Variants in ONECUT2 observed in about 807,000 individuals in gnomAD.
The protein encoded by ONECUT2 is one cut domain family member 2.
In ONECUT2, 10 loss-of-function variants were observed where a neutral mutation model predicts 27.9. The observed-to-expected ratio is 0.36, with a 90% CI of 0.22 to 0.61. ONECUT2 has a LOEUF of 0.61. Ranked by LOEUF, ONECUT2 falls within the 20% of genes least tolerant of loss-of-function variation. ONECUT2 has a pLI of 0.73. For synonymous variants in ONECUT2, 334 were observed against 315.1 expected, an observed-to-expected ratio of 1.06 and a Z score of -0.64; for missense variants, 686 against 721.0, an observed-to-expected ratio of 0.95 and a Z score of 0.56.
intron 1 of ONECUT2, among the ~76,000 whole-genome samples, chr18:57,466,178 T>C (rs1271801366): frequency 6.6e-6 from 1 of 152,212 alleles, no homozygotes; most frequent in Non-Finnish European, 1.5e-5. Flanking sequence ...GGGAGTACTC[T>C]GGCTCTTTCA....
At position 57,436,094 on chromosome 18, in the gene ONECUT2, G is replaced by T. The variant is rs757312634; in HGVS notation, c.378G>T (p.Pro126=). The change falls in exon 1 of 2, where the codon CCG becomes CCT. Residue 126 remains proline (P), a synonymous_variant. Coordinates refer to ENST00000491143, the MANE Select transcript of ONECUT2 (RefSeq NM_004852.3). The surrounding 1 kb of genome is among the most constrained non-coding windows in gnomAD (Gnocchi z 5.9). The part of the protein sequence containing the change: ...GGDYRPELSI[P]LHHAMSMSCD... ...ACTACCGGCCCGAGCTCTCCATCCC[G>T]CTGCACCACGCCATGAGCATGTCCT... 1.7e-5 allele frequency: 27 copies of T among 1,599,612 alleles called. No individual in the cohort carries two copies. Among genetic ancestry groups the T allele is most frequent in the Non-Finnish European group, 2.3e-5 (27 of 1,179,682 alleles).
intron 1 of ONECUT2, among the ~76,000 whole-genome samples, chr18:57,442,332 G>C (rs2050180305): frequency 1.3e-5 from 2 of 150,530 alleles, no homozygotes; most frequent in Admixed American, 1.3e-4. Context: ...GGGAGGGAAA[G>C]CAGTGTTTTC....
rs1408171825 is a variant in ONECUT2 at position 57,488,996 on chromosome 18, A to C, written c.*12273A>C. On this transcript the variant is annotated 3_prime_UTR_variant, in exon 2 of 2. Transcript: ENST00000491143. ...TTCATACATGAAAGGCAAGAAAAAG[A>C]AAATAGTAACCTTGAATCTTCTGTG... 6.6e-6 allele frequency: 1 copy of C among 152,382 alleles called. No individual in the cohort carries two copies. Among genetic ancestry groups the C allele is most frequent in the Non-Finnish European group, 1.5e-5 (1 of 68,138 alleles). The allele number at this position is 152,382 out of a possible 1,614,324, so 9.4% of individuals were successfully genotyped here.
Position 57,476,463 on chromosome 18 carries a change from A to T in ONECUT2, c.1255A>T (p.Asn419Tyr). 1 of 1,614,204 alleles carries T rather than the reference A, an allele frequency of 6.2e-7. No individual in the cohort carries two copies. Among genetic ancestry groups the T allele is most frequent in the Non-Finnish European group, 8.5e-7 (1 of 1,180,028 alleles). ...AACKRKEQEP[N>Y]KDRNNSQKKS... ...GTGCAAACGCAAAGAGCAAGAACCA[A>T]ACAAAGACAGGAACAATTCCCAGAA... The change falls in exon 2 of 2, where the codon AAC becomes TAC. Residue 419 changes from asparagine to tyrosine, a missense_variant. Transcript: ENST00000491143.
chr18:57,489,614 G>A lies in ONECUT2; in HGVS notation c.*12891G>A, dbSNP rs2050454849. The A allele has an allele frequency of 6.6e-6, 1 of 152,064 alleles. No individual in the cohort carries two copies. The highest frequency in any genetic ancestry group is 1.5e-5 in the Non-Finnish European group (1 of 68,032). The allele number at this position is 152,064 out of a possible 1,614,324, so 9.4% of individuals were successfully genotyped here. A position where few individuals can be genotyped will look rare whatever the true frequency, so the allele number is the denominator to read the frequency against. ...AGCATAAGAGTCAGCTTTATCTCTA[G>A]GAAAGTTTTTTCAGATTATGACAAG... On this transcript the variant is annotated 3_prime_UTR_variant, in exon 2 of 2. Transcript: ENST00000491143.
rs1019859510 is a variant in ONECUT2, at chr18:57,482,174, T to G, written c.*5451T>G. On this transcript the variant is annotated 3_prime_UTR_variant, in exon 2 of 2. Coordinates refer to ENST00000491143, the MANE Select transcript of ONECUT2 (RefSeq NM_004852.3). Reference sequence around the variant, plus strand: ...TTGTATAAGTCTCATAAGATAATGATGTTGATTTTAAATATGGATGTCTCA... The same window carrying G: ...TTGTATAAGTCTCATAAGATAATGAGGTTGATTTTAAATATGGATGTCTCA... The G allele has an allele frequency of 6.6e-6, 1 of 152,210 alleles. No individual in the cohort carries two copies. Among genetic ancestry groups the G allele is most frequent in the South Asian group, 2.1e-4 (1 of 4,828 alleles). 9.4% of individuals were successfully genotyped at this position (152,210 alleles called of 1,614,324 possible). A position where few individuals can be genotyped will look rare whatever the true frequency, so the allele number is the denominator to read the frequency against.
At position 57,436,259 on chromosome 18, in the gene ONECUT2, C is replaced by T. The variant is rs569109966; in HGVS notation, c.543C>T (p.His181=). 176 of 1,603,548 alleles carry T rather than the reference C, an allele frequency of 1.1e-4. 1 individual carries two copies. The East Asian group carries it at 3.0e-3, about 27-fold the overall frequency. The change falls in exon 1 of 2, where the codon CAC becomes CAT. Residue 181 remains histidine, a synonymous_variant. Transcript: ENST00000491143. This position sits in a 1 kb window ranked among gnomAD's most constrained non-coding sequence, Gnocchi z 5.9. Reference sequence around the variant, plus strand: ...ACCACCATCCGCACCACCACCACCACCACCACCACCAGCGCCTGTCCGGCA... The same window carrying T: ...ACCACCATCCGCACCACCACCACCATCACCACCACCAGCGCCTGTCCGGCA... ...HPHHHPHHHH[H]HHHQRLSGNV... is the part of the protein sequence containing the mutation.
At position 57,480,783 on chromosome 18, in the gene ONECUT2, C is replaced by G. The variant is rs778343514; in HGVS notation, c.*4060C>G. Reference sequence around the variant, plus strand: ...TTAGAAATCTAACAGAAAAAAATTTCTATATTGAAAGGTAATAGAATTTAA... The same window carrying G: ...TTAGAAATCTAACAGAAAAAAATTTGTATATTGAAAGGTAATAGAATTTAA... On this transcript the variant is annotated 3_prime_UTR_variant, in exon 2 of 2. Transcript: ENST00000491143. 6.6e-6 allele frequency: 1 copy of G among 152,064 alleles called. No homozygotes were observed. The highest frequency in any genetic ancestry group is 1.5e-5 in the Non-Finnish European group (1 of 68,018). The allele number at this position is 152,064 out of a possible 1,614,324, so 9.4% of individuals were successfully genotyped here. A position where few individuals can be genotyped will look rare whatever the true frequency, so the allele number is the denominator to read the frequency against.
intron 1 of ONECUT2, among the ~76,000 whole-genome samples, chr18:57,468,023 GGA>G (rs1254027491): frequency 6.6e-6 from 1 of 152,210 alleles, no homozygotes; most frequent in Non-Finnish European, 1.5e-5. Flanking sequence ...GGTTCACGCT[GGA>G]GTACCTTGTG....
chr18:57,436,547 G>A lies in ONECUT2; in HGVS notation c.831G>A (p.Leu277=). 1 of 1,612,162 alleles carries A rather than the reference G, an allele frequency of 6.2e-7. No individual in the cohort carries two copies. The highest frequency in any genetic ancestry group is 8.5e-7 in the Non-Finnish European group (1 of 1,179,892). ...TGCTGACCCGCGGTGAGCAACACCT[G>A]TCCCGCGGCCTGGGCACCCCACCTG... is the stretch of plus-strand genomic sequence containing the variant. The part of the protein sequence containing the change: ...TAMLTRGEQH[L]SRGLGTPPAA... The change falls in exon 1 of 2, where the codon CTG becomes CTA. Residue 277 remains leucine (L), a synonymous_variant. Transcript: ENST00000491143. The surrounding 1 kb of genome is among the most constrained non-coding windows in gnomAD (Gnocchi z 5.9).
At chr18:57,452,770 T>G (rs918513606) in intron 1 of ONECUT2, among the ~76,000 whole-genome samples, 1 of 152,216 alleles carries the variant, frequency 6.6e-6, no homozygotes, top group Non-Finnish European at 1.5e-5. Flanking sequence ...CTTTTAAATT[T>G]TGTTCTACTA....
chr18:57,447,126 C>A (rs960924051), intron 1 of ONECUT2, among the ~76,000 whole-genome samples: 1 of 152,230 alleles, frequency 6.6e-6, no homozygotes, highest in African/African-American at 2.4e-5. Flanking sequence ...AAGAAGTGAG[C>A]CAGTGAGCTA....
chr18:57,436,211 C>T lies in ONECUT2; in HGVS notation c.495C>T (p.Asp165=), dbSNP rs754178430. The change falls in exon 1 of 2, where the codon GAC becomes GAT. Residue 165 remains aspartate (D), a synonymous_variant. Transcript: ENST00000491143. The surrounding 1 kb of genome is among the most constrained non-coding windows in gnomAD (Gnocchi z 5.9). ...TGCCACCCATCTCCACCGTGTCTGACAAGTTCCACCACCCTCACCCGCACC... is the reference window on the plus strand; with the variant it reads ...TGCCACCCATCTCCACCGTGTCTGATAAGTTCCACCACCCTCACCCGCACC... ...QPLPPISTVS[D]KFHHPHPHHH... The T allele has an allele frequency of 6.2e-7, 1 of 1,605,972 alleles. No homozygotes were observed. The highest frequency in any genetic ancestry group is 1.7e-5 in the Admixed American group (1 of 59,540).
In ONECUT2 at chr18:57,436,207, C is replaced by T. The variant is rs200319925; in HGVS notation, c.491C>T (p.Ser164Phe). 6.2e-7 allele frequency: 1 copy of T among 1,606,780 alleles called. No homozygotes were observed. Among genetic ancestry groups the T allele is most frequent in the Non-Finnish European group, 8.5e-7 (1 of 1,178,706 alleles). Residue 164 changes from serine (S) to phenylalanine (F), a missense_variant, in exon 1 of 2, where the codon TCT becomes TTT. By Grantham distance (155) the Ser-to-Phe change is radical. This residue lies in a region of ONECUT2 where 511 missense variants were observed against 488.1 expected (regional missense o/e 1.05). Transcript: ENST00000491143. This position sits in a 1 kb window ranked among gnomAD's most constrained non-coding sequence, Gnocchi z 5.9. ...LQPLPPISTV[S>F]DKFHHPHPHH... is the part of the protein sequence containing the mutation. ...CCGCTGCCACCCATCTCCACCGTGT[C>T]TGACAAGTTCCACCACCCTCACCCG...
At chr18:57,471,270 G>T (rs2050351888) in intron 1 of ONECUT2, among the ~76,000 whole-genome samples, 1 of 152,222 alleles carries the variant, frequency 6.6e-6, no homozygotes, top group Non-Finnish European at 1.5e-5. Context: ...GGGTGTCAGA[G>T]GGCAGCTGAG....
chr18:57,452,928 G>C (rs544750138), intron 1 of ONECUT2, among the ~76,000 whole-genome samples: 89 of 152,316 alleles, frequency 5.8e-4, no homozygotes, highest in African/African-American at 2.0e-3. Flanking sequence ...AAAGAAGCAA[G>C]TTGGAAGGGA....
intron 1 of ONECUT2, among the ~76,000 whole-genome samples, chr18:57,443,903 A>T (rs901427967): frequency 1.3e-5 from 2 of 152,240 alleles, no homozygotes; most frequent in African/African-American, 4.8e-5. Context: ...CTTCTGTAGA[A>T]AGCAGACTTT....
intron 1 of ONECUT2, among the ~76,000 whole-genome samples, chr18:57,472,311 C>T (rs956202834): frequency 2.6e-5 from 4 of 152,170 alleles, no homozygotes; most frequent in East Asian, 1.9e-4. Context: ...CTCCACAGCC[C>T]GGGTCTGAGG....
At chr18:57,458,744 G>A (rs537632792) in intron 1 of ONECUT2, among the ~76,000 whole-genome samples, 1 of 152,172 alleles carries the variant, frequency 6.6e-6, no homozygotes, top group Admixed American at 6.5e-5. Context: ...GGTGGACACC[G>A]AGAAGCAAAA....
Sources: allele counts gnomAD v4.1 joint callset (sites outside exome capture counted in the v4.1 genomes callset), GRCh38; gene constraint gnomAD v4.1.1; regional missense constraint gnomAD v4.1.1; non-coding constraint Gnocchi (gnomAD v3.1); transcripts MANE v1.5; gene names NCBI Gene and HGNC (gene_info 2026-07-23, HGNC 2026-07-21).